Variants in NSMF observed in about 807,000 individuals in gnomAD.
NSMF encodes nasal embryonic LHRH factor.
Under a neutral mutation model 71.0 loss-of-function variants are expected in NSMF, and 31 were observed. That is an observed-to-expected ratio of 0.44 (90% CI 0.33 to 0.59). NSMF has a LOEUF of 0.59. Ranked by LOEUF, NSMF falls within the 20% of genes least tolerant of loss-of-function variation. The pLI is 0.04. For synonymous variants in NSMF, 345 were observed against 287.1 expected (o/e 1.20, Z -2.04); for missense variants, 673 against 740.5 (o/e 0.91, Z 1.06).
chr9:137,454,285 G>A, intron 7 of NSMF, 106 bp downstream of exon 7: 1 of 1,132,242 alleles, frequency 8.8e-7, no homozygotes, highest in Non-Finnish European at 1.3e-6. Flanking sequence ...GGCAGGGCCC[G>A]ATTGGGGTTG....
rs759166358 is a variant in NSMF at position 137,453,083 on chromosome 9, G to A, written c.1020C>T (p.Thr340=). The change falls in exon 9 of 16, where the codon ACC becomes ACT. Residue 340 remains threonine (T), a synonymous_variant. Transcript: ENST00000371475. The surrounding 1 kb of genome is among the most constrained non-coding windows in gnomAD (Gnocchi z 4.5). ...TGACCTTTGGTGGCACGAAGCCTTC[G>A]GTGTCGCAGGCCACAGCCTCCAGGC... is the stretch of plus-strand genomic sequence containing the variant. ...EKGLEAVACD[T]EGFVPPKVML... The A allele has an allele frequency of 3.7e-6, 6 of 1,612,596 alleles. No homozygotes were observed. Among genetic ancestry groups the A allele is most frequent in the Non-Finnish European group, 4.2e-6 (5 of 1,179,910 alleles).
In NSMF at chr9:137,455,628, C is replaced by G. The variant is rs923607827; in HGVS notation, c.710+1G>C. ...AGGCACCAAGTCATACAGGTACTTACGAGATGCTGAAGCCAGGGCCAGAAG... is the reference window on the plus strand; with the variant it reads ...AGGCACCAAGTCATACAGGTACTTAGGAGATGCTGAAGCCAGGGCCAGAAG... On this transcript the variant is annotated splice_donor_variant, in intron 5 of 15. Coordinates refer to ENST00000371475, the MANE Select transcript of NSMF (RefSeq NM_001130969.3). LOFTEE classifies it high-confidence loss of function. 8 of 1,550,372 alleles carry G rather than the reference C, an allele frequency of 5.2e-6. No individual in the cohort carries two copies. The highest frequency in any genetic ancestry group is 7.0e-6 in the Non-Finnish European group (8 of 1,146,882).
chr9:137,448,225 C>G lies in NSMF; in HGVS notation c.*1169G>C, dbSNP rs772813038. 2.6e-5 allele frequency: 4 copies of G among 152,550 alleles called. No individual in the cohort carries two copies. Among genetic ancestry groups the G allele is most frequent in the African/African-American group, 9.7e-5 (4 of 41,430 alleles). 9.4% of individuals were successfully genotyped at this position (152,550 alleles called of 1,614,324 possible). A position where few individuals can be genotyped will look rare whatever the true frequency, so the allele number is the denominator to read the frequency against. On this transcript the variant is annotated 3_prime_UTR_variant, in exon 16 of 16. Transcript: ENST00000371475. The surrounding 1 kb of genome is among the most constrained non-coding windows in gnomAD (Gnocchi z 5.3). Reference sequence around the variant, plus strand: ...TGAGAGGACAGACCCACGCGGCGGCCGCGGTGGAGGATCAGGTTTAATGGT... The same window carrying G: ...TGAGAGGACAGACCCACGCGGCGGCGGCGGTGGAGGATCAGGTTTAATGGT...
chr9:137,458,308 G>C (rs922412678), intron 2 of NSMF, among the ~76,000 whole-genome samples, 180 bp downstream of exon 2: 1 of 152,166 alleles, frequency 6.6e-6, no homozygotes, highest in East Asian at 1.9e-4. Flanking sequence ...GGTGACGAGC[G>C]GCTGGGAACT....
rs148825809 is a variant in NSMF, at chr9:137,449,298, G to A, written c.*96C>T. On this transcript the variant is annotated 3_prime_UTR_variant, in exon 16 of 16. Transcript: ENST00000371475. ...CCCTGAAGTGGCTCCAGGCGAGACC[G>A]GAGCCACACAGTCCCGGGGAGCACG... 62 of 1,055,454 alleles carry A rather than the reference G, an allele frequency of 5.9e-5. No individual in the cohort carries two copies. The highest frequency in any genetic ancestry group is 2.6e-4 in the Middle Eastern group (1 of 3,796). 65.4% of individuals were successfully genotyped at this position (1,055,454 alleles called of 1,614,324 possible).
At position 137,454,360 on chromosome 9, in the gene NSMF, G is replaced by A. The variant is rs369265688; in HGVS notation, c.832+31C>T. On this transcript the variant is annotated intron_variant, in intron 7 of 15. Coordinates refer to ENST00000371475, the MANE Select transcript of NSMF (RefSeq NM_001130969.3). The stretch of plus-strand genomic sequence containing the variant: ...GCCCCAACCAGCCAAGCGCAACGCC[G>A]CCCCCCCACCCCCGCCGCACGGGGT... 6.5e-6 allele frequency: 10 copies of A among 1,544,238 alleles called. No individual in the cohort carries two copies. In the Admixed American group the frequency reaches 1.2e-4, roughly 18 times the overall value.
chr9:137,453,772 G>A lies in NSMF; in HGVS notation c.881C>T (p.Pro294Leu). ...ERSFSRSWSD[P>L]TPMKADTSHD... ...GGAAGTGTCGGCTTTCATGGGGGTG[G>A]GGTCGCTCCAGGACCGGCTGAAGCT... Residue 294 changes from proline to leucine, a missense_variant, in exon 8 of 16, where the codon CCC (proline) becomes CTC (leucine). By Grantham distance (98) the Pro-to-Leu change is moderately conservative. Around this residue, in one of 2 missense-constraint regions of NSMF, gnomAD observed 471 missense variants for 459.6 expected, o/e 1.02. Coordinates refer to ENST00000371475, the MANE Select transcript of NSMF (RefSeq NM_001130969.3). This position sits in a 1 kb window ranked among gnomAD's most constrained non-coding sequence, Gnocchi z 4.5. 1 of 1,601,398 alleles carries A rather than the reference G, an allele frequency of 6.2e-7. No individual in the cohort carries two copies. Among genetic ancestry groups the A allele is most frequent in the Non-Finnish European group, 8.5e-7 (1 of 1,178,648 alleles).
chr9:137,449,428 T>A lies in NSMF; in HGVS notation c.1559A>T (p.His520Leu), dbSNP rs1481007169. 1 of 1,612,812 alleles carries A rather than the reference T, an allele frequency of 6.2e-7. No individual in the cohort carries two copies. Among genetic ancestry groups the A allele is most frequent in the Admixed American group, 1.7e-5 (1 of 60,004 alleles). ...RLYRLWKSRQ[H>L]SKLLDFDDVL is the part of the protein sequence containing the mutation. ...GTCGTCAAAGTCCAGCAGCTTCGAG[T>A]GCTGGCGGCTCTTCCACAGGCGATA... Residue 520 changes from histidine to leucine, a missense_variant, in exon 16 of 16, where the codon CAC becomes CTC. Physicochemically the swap from His to Leu is moderately conservative, Grantham distance 99. Coordinates refer to ENST00000371475, the MANE Select transcript of NSMF (RefSeq NM_001130969.3).
At chr9:137,450,423 G>A (rs1324247022) in intron 12 of NSMF, among the ~76,000 whole-genome samples, 168 bp from the exon 13 acceptor site, 7 of 39,728 alleles carry the variant, frequency 1.8e-4, no homozygotes, top group Admixed American at 3.3e-4. Flanking sequence ...CCCACCACAC[G>A]CCTCTTCCCT....
intron 2 of NSMF, 87 bp downstream of exon 2, chr9:137,458,401 C>T: frequency 1.6e-6 from 2 of 1,215,898 alleles, no homozygotes; most frequent in Non-Finnish European, 2.3e-6. Flanking sequence ...AACCAATGCC[C>T]CTCACGCTCC....
At chr9:137,452,616 A>G (rs1412647535) in intron 10 of NSMF, 30 bp from the exon 11 acceptor site, 8 of 1,612,366 alleles carry the variant, frequency 5.0e-6, no homozygotes, top group Non-Finnish European at 6.8e-6. Flanking sequence ...ACAAGGCCAC[A>G]TCAAGGCTGC....
intron 1 of NSMF, 123 bp from the exon 2 acceptor site, chr9:137,458,672 C>T (rs1830999674): frequency 3.1e-6 from 3 of 965,758 alleles, no homozygotes; most frequent in African/African-American, 1.6e-5. Context: ...GGGTCGGGGT[C>T]GTCCCCCTCC....
In NSMF at chr9:137,453,223, C is replaced by A; in HGVS notation, c.923-43G>T. 2 of 1,609,668 alleles carry A rather than the reference C, an allele frequency of 1.2e-6. No individual in the cohort carries two copies. Among genetic ancestry groups the A allele is most frequent in the Non-Finnish European group, 1.7e-6 (2 of 1,179,550 alleles). On this transcript the variant is annotated intron_variant, in intron 8 of 15. Transcript: ENST00000371475. The surrounding 1 kb of genome is among the most constrained non-coding windows in gnomAD (Gnocchi z 4.5). ...CACCAGGACAGCAGGCCCGGCAGCA[C>A]CTCCTATCCTGGCCATGGCCCCAAG...
chr9:137,449,699 T>A, intron 14 of NSMF, 25 bp from the exon 15 acceptor site: 1 of 1,600,218 alleles, frequency 6.2e-7, no homozygotes, highest in South Asian at 1.1e-5. Flanking sequence ...GTGCCATGAG[T>A]CCGAGGCAGA....
chr9:137,456,116 T>C (rs1588507222), intron 4 of NSMF, among the ~76,000 whole-genome samples: 1 of 146,752 alleles, frequency 6.8e-6, no homozygotes, highest in South Asian at 2.2e-4. Flanking sequence ...CTGAGGAGAG[T>C]GGATAGGAGC....
In NSMF at chr9:137,452,300, C is replaced by T. The variant is rs1259290682; in HGVS notation, c.1236+65G>A. Reference sequence around the variant, plus strand: ...TGGTCTCCCCCAACTTGACTTCTTCCCCTTGGTCTTCCCCTGCCCCACCAC... The same window carrying T: ...TGGTCTCCCCCAACTTGACTTCTTCTCCTTGGTCTTCCCCTGCCCCACCAC... On this transcript the variant is annotated intron_variant, in intron 12 of 15. Transcript: ENST00000371475. The T allele has an allele frequency of 4.5e-5, 68 of 1,511,034 alleles. No individual in the cohort carries two copies. In the Admixed American group the frequency reaches 1.1e-3, roughly 25 times the overall value. 93.6% of individuals were successfully genotyped at this position (1,511,034 alleles called of 1,614,324 possible).
At chr9:137,455,177 C>CCCAGG in intron 6 of NSMF, 62 bp downstream of exon 6, 3 of 1,571,746 alleles carry the variant, frequency 1.9e-6, no homozygotes, top group East Asian at 4.5e-5. Flanking sequence ...GCCGAGGGGG[C>CCCAGG]CCAGGCCAGG....
At chr9:137,457,279 G>T in intron 3 of NSMF, 128 bp downstream of exon 3, 1 of 1,346,586 alleles carries the variant, frequency 7.4e-7, no homozygotes, top group Non-Finnish European at 1.1e-6. Context: ...TTTTAATCTT[G>T]AGTCCGCTGG....
intron 14 of NSMF, 97 bp from the exon 15 acceptor site, chr9:137,449,771 C>T: frequency 1.5e-6 from 2 of 1,331,774 alleles, no homozygotes; most frequent in South Asian, 1.2e-5. Flanking sequence ...TTTTTCAGAC[C>T]CCCCAAACCT....
Sources: gnomAD v4.1 joint callset for allele counts (sites outside exome capture counted in the v4.1 genomes callset) on GRCh38, gnomAD v4.1.1 for gene constraint, gnomAD v4.1.1 regional missense constraint, Gnocchi (gnomAD v3.1) non-coding constraint, MANE v1.5 for transcripts, NCBI Gene and HGNC (gene_info 2026-07-23, HGNC 2026-07-21) for gene names.